The following SCNN1D variants were observed in gnomAD, a reference collection of about 807,000 sequenced individuals.
The protein encoded by SCNN1D is sodium channel epithelial 1 subunit delta.
A neutral mutation model predicts 87.8 loss-of-function variants in SCNN1D; 104 were observed. The ratio of observed to expected loss-of-function variants is 1.18; its 90% confidence interval spans 1.01 to 1.39. The LOEUF is 1.39. Ranked by LOEUF, SCNN1D falls within the 40% of genes most tolerant of loss-of-function variation. SCNN1D has a pLI of 0.00. For missense variants in SCNN1D, 1,324 were observed against 1,093.9 expected (o/e 1.21, Z -2.97); for synonymous variants, 628 against 481.2 (o/e 1.31, Z -3.99).
rs148117452 is a variant in SCNN1D at position 1,286,889 on chromosome 1, C to T, written c.1033C>T (p.His345Tyr). Residue 345 changes from histidine (H) to tyrosine (Y), a missense_variant, in exon 8 of 18, where the codon CAC becomes TAC. By Grantham distance (83) the His-to-Tyr change is moderately conservative. Transcript: ENST00000379116. ...RAALSATVPR[H>Y]EPPFHLDREI... Reference sequence around the variant, plus strand: ...CGCCCTCTCCGCCACTGTCCCCCGCCACGAGCCCCCCTTCCACCTGGACCG... The same window carrying T: ...CGCCCTCTCCGCCACTGTCCCCCGCTACGAGCCCCCCTTCCACCTGGACCG... 1.1e-3 allele frequency: 1,703 copies of T among 1,612,626 alleles called. 14 individuals carry two copies. Among genetic ancestry groups the T allele is most frequent in the South Asian group, 9.3e-3 (847 of 91,074 alleles).
chr1:1,287,560 G>A lies in SCNN1D; in HGVS notation c.1363G>A (p.Gly455Ser). The change falls in exon 10 of 18, where the codon GGC becomes AGC. Residue 455 changes from glycine to serine, a missense_variant. Transcript: ENST00000379116. ...CTACGGCAGCTGCTACACGGTCGAT[G>A]GCGTCTGGACAGCTCAGCGCCCCGG... Reference protein sequence around the residue: ...PTYGSCYTVDGVWTAQRPGIT... With the variant: ...PTYGSCYTVDSVWTAQRPGIT... The A allele has an allele frequency of 6.4e-7, 1 of 1,556,500 alleles. No homozygotes were observed. Among genetic ancestry groups the A allele is most frequent in the Non-Finnish European group, 8.7e-7 (1 of 1,148,602 alleles).
intron 4 of SCNN1D, among the ~76,000 whole-genome samples, chr1:1,283,257 C>T (rs988618083): frequency 1.3e-5 from 2 of 152,192 alleles, no homozygotes; most frequent in Non-Finnish European, 2.9e-5. Flanking sequence ...CACATTAGCA[C>T]CTGTCCCAAT....
At chr1:1,288,082 C>A in intron 12 of SCNN1D, 45 bp downstream of exon 12, 1 of 451,472 alleles carries the variant, frequency 2.2e-6, no homozygotes, top group Non-Finnish European at 3.9e-6. Context: ...TGAGGCTGGG[C>A]TGGCCAGGGG....
intron 1 of SCNN1D, chr1:1,280,979 G>A: frequency 5.1e-6 from 3 of 591,138 alleles, no homozygotes; most frequent in South Asian, 2.1e-5. Context: ...GGGCCGAGGG[G>A]GCTCTGCCTG....
chr1:1,283,751 T>C (rs987078517), intron 4 of SCNN1D, among the ~76,000 whole-genome samples: 1 of 151,810 alleles, frequency 6.6e-6, no homozygotes, highest in African/African-American at 2.4e-5. Flanking sequence ...AGCCCAACAC[T>C]GTCCTCCCCC....
chr1:1,290,436 G>T (rs549610437), intron 13 of SCNN1D, 41 bp from the exon 14 acceptor site: 1 of 1,611,666 alleles, frequency 6.2e-7, no homozygotes, highest in South Asian at 1.1e-5. Context: ...TAGCCGGGGG[G>T]TCACAGCGAG....
chr1:1,281,677 C>A, intron 3 of SCNN1D, 67 bp downstream of exon 3: 1 of 1,402,880 alleles, frequency 7.1e-7, no homozygotes, highest in Non-Finnish European at 9.6e-7. Flanking sequence ...CCGGGAGCTG[C>A]GTGATCCAGC....
Position 1,290,695 on chromosome 1 carries a change from G to T in SCNN1D, c.1917+1G>T, listed in dbSNP as rs780246146. On this transcript the variant is annotated splice_donor_variant, in intron 15 of 17. Transcript: ENST00000379116. LOFTEE classifies it high-confidence loss of function. The stretch of plus-strand genomic sequence containing the variant: ...CAGGTGGCCTTCCGCCAAGTCAGCT[G>T]TGAGTCCCCAAAGTGGTGGGGTGGG... The T allele has an allele frequency of 4.3e-6, 7 of 1,612,456 alleles. No homozygotes were observed. The highest frequency in any genetic ancestry group is 5.1e-6 in the Non-Finnish European group (6 of 1,179,928).
At chr1:1,287,467 G>A (rs1640621846) in intron 9 of SCNN1D, 41 bp from the exon 10 acceptor site, 1 of 1,507,976 alleles carries the variant, frequency 6.6e-7, no homozygotes, top group Non-Finnish European at 8.9e-7. Flanking sequence ...ACGGGCGCGG[G>A]CAGCCGACAT....
At chr1:1,290,049 C>A (rs1640736538) in intron 12 of SCNN1D, among the ~76,000 whole-genome samples, 1 of 113,786 alleles carries the variant, frequency 8.8e-6, no homozygotes, top group Non-Finnish European at 1.7e-5. Context: ...CGTGTCCCTG[C>A]TCCGTCCCGT....
At chr1:1,284,327 G>A (rs1479142733) in intron 5 of SCNN1D, among the ~76,000 whole-genome samples, 1 of 117,368 alleles carries the variant, frequency 8.5e-6, no homozygotes, top group Non-Finnish European at 1.8e-5. Context: ...GGGGTGGGGG[G>A]GTGGGGCTGG....
At position 1,288,239 on chromosome 1, in the gene SCNN1D, CCGTGTCTCTGCTCCGT is replaced by C. The variant is rs1442892043; in HGVS notation, c.1662+204_1662+219del. 4.8e-3 allele frequency among the ~76,000 whole-genome samples: 687 copies of C among 144,188 alleles called. 7 individuals are homozygous for C. The highest frequency in any genetic ancestry group is 0.011 in the African/African-American group (433 of 37,836). The allele number at this position is 144,188 out of a possible 152,430, so 94.6% of individuals were successfully genotyped here. A position where few individuals can be genotyped will look rare whatever the true frequency, so the allele number is the denominator to read the frequency against. On this transcript the variant is annotated intron_variant, in intron 12 of 17. Coordinates refer to ENST00000379116, the MANE Select transcript of SCNN1D (RefSeq NM_001130413.4). ...CTCCGTCCCGTGTCTCTGCTCCGTC[CCGTGTCTCTGCTCCGT>C]CCCGTGTCTCTGCTCCGTCCCCCGA... is the stretch of plus-strand genomic sequence containing the variant.
In SCNN1D at chr1:1,287,284, T is replaced by A. The variant is rs1365701111; in HGVS notation, c.1295T>A (p.Leu432Gln). 6.3e-7 allele frequency: 1 copy of A among 1,597,952 alleles called. No homozygotes were observed. The highest frequency in any genetic ancestry group is 1.7e-5 in the Admixed American group (1 of 59,076). ...HFVLSCSYDG[L>Q]DCQARQFRTF... is the part of the protein sequence containing the mutation. Reference sequence around the variant, plus strand: ...GTCCTCTCCTGCAGTTACGATGGCCTGGACTGCCAGGCCCGGTGAGTGTGG... The same window carrying A: ...GTCCTCTCCTGCAGTTACGATGGCCAGGACTGCCAGGCCCGGTGAGTGTGG... Residue 432 changes from leucine to glutamine, a missense_variant, in exon 9 of 18, where the codon CTG (leucine) becomes CAG (glutamine). Physicochemically the swap from Leu to Gln is moderately radical, Grantham distance 113. Transcript: ENST00000379116.
chr1:1,288,147 A>AC, intron 12 of SCNN1D, 110 bp downstream of exon 12: 2 of 806,410 alleles, frequency 2.5e-6, no homozygotes, highest in East Asian at 2.9e-5. Context: ...GGGCCTGGGA[A>AC]CGGGGCAGTC....
Position 1,291,372 on chromosome 1 carries a change from T to A in SCNN1D, c.2171T>A (p.Leu724Gln). ...LLDASALTLV[L>Q]GGRRLRRAWF... ...GATGCTTCTGCCCTCACCCTGGTGC[T>A]AGGCGGCCGCCGGCTCCGCAGGGCG... is the stretch of plus-strand genomic sequence containing the variant. The change falls in exon 18 of 18, where the codon CTA becomes CAA. Residue 724 changes from leucine (L) to glutamine (Q), a missense_variant. Coordinates refer to ENST00000379116, the MANE Select transcript of SCNN1D (RefSeq NM_001130413.4). 6.2e-7 allele frequency: 1 copy of A among 1,608,874 alleles called. No individual in the cohort carries two copies. Among genetic ancestry groups the A allele is most frequent in the Non-Finnish European group, 8.5e-7 (1 of 1,178,714 alleles).
At position 1,287,693 on chromosome 1, in the gene SCNN1D, G is replaced by A; in HGVS notation, c.1420G>A (p.Val474Ile). 3.7e-6 allele frequency: 6 copies of A among 1,611,344 alleles called. No homozygotes were observed. Among genetic ancestry groups the A allele is most frequent in the Non-Finnish European group, 5.1e-6 (6 of 1,179,332 alleles). Residue 474 changes from valine to isoleucine, a missense_variant, in exon 11 of 18, where the codon GTT (valine) becomes ATT (isoleucine). Transcript: ENST00000379116. The stretch of plus-strand genomic sequence containing the variant: ...CCCAGGAGTCGGCCTGGTCCTCAGG[G>A]TTGAGCAGCAGCCTCACCTCCCTCT... ...ITHGVGLVLR[V>I]EQQPHLPLLS...
Position 1,290,928 on chromosome 1 carries a change from C to A in SCNN1D, c.1951C>A (p.Leu651Met), listed in dbSNP as rs377001620. The stretch of plus-strand genomic sequence containing the variant: ...TCTGGCCACGCTAGGTGAACAGGGG[C>A]TGCCGCATCAGAGCCACAGACAGAG... ...WTLATLGEQG[L>M]PHQSHRQRSS... Residue 651 changes from leucine to methionine, a missense_variant, in exon 16 of 18, where the codon CTG becomes ATG. Leu to Met is a conservative substitution (Grantham distance 15). Coordinates refer to ENST00000379116, the MANE Select transcript of SCNN1D (RefSeq NM_001130413.4). The A allele has an allele frequency of 1.2e-5, 19 of 1,610,104 alleles. No individual in the cohort carries two copies. Among genetic ancestry groups the A allele is most frequent in the Admixed American group, 3.3e-5 (2 of 59,712 alleles).
rs371142498 is a variant in SCNN1D, at chr1:1,286,755, C to T, written c.912-13C>T. The T allele has an allele frequency of 1.9e-6, 3 of 1,610,776 alleles. No individual in the cohort carries two copies. Among genetic ancestry groups the T allele is most frequent in the Non-Finnish European group, 2.5e-6 (3 of 1,178,920 alleles). Reference sequence around the variant, plus strand: ...CGGGCCGGCAACTCTGACTCCAGGGCCCTGCGTCCCAGGCCGAGTCCGGTC... The same window carrying T: ...CGGGCCGGCAACTCTGACTCCAGGGTCCTGCGTCCCAGGCCGAGTCCGGTC... On this transcript the variant is annotated splice_polypyrimidine_tract_variant and intron_variant, in intron 7 of 17. Transcript: ENST00000379116.
chr1:1,283,796 A>G (rs1640516402), intron 4 of SCNN1D, among the ~76,000 whole-genome samples, 182 bp from the exon 5 acceptor site: 1 of 151,738 alleles, frequency 6.6e-6, no homozygotes, highest in Non-Finnish European at 1.5e-5. Flanking sequence ...ACTCTCAGCC[A>G]GGGTCAGGAC....
Sources: allele counts gnomAD v4.1 joint callset (sites outside exome capture counted in the v4.1 genomes callset), GRCh38; gene constraint gnomAD v4.1.1; transcripts MANE v1.5; gene names NCBI Gene and HGNC (gene_info 2026-07-23, HGNC 2026-07-21).